FAM53B: variants seen among roughly 807,000 people sequenced by gnomAD.
FAM53B encodes the protein protein FAM53B.
In FAM53B, 12 loss-of-function variants were observed where a neutral mutation model predicts 32.7. That is an observed-to-expected ratio of 0.37 (90% confidence interval 0.24 to 0.59). The LOEUF (loss-of-function observed/expected upper bound fraction) is 0.59. FAM53B is among the 20% of genes least tolerant of loss of function. The probability of loss-of-function intolerance (pLI) is 0.72; values close to 1 mark genes in which losing one functional copy is unlikely to be tolerated. For missense variants in FAM53B, 477 were observed against 577.7 expected (o/e 0.83, Z 1.79); for synonymous variants, 234 against 228.7 (o/e 1.02, Z -0.21).
chr10:124,623,696 C>G, intron 4 of FAM53B, 92 bp from the exon 5 acceptor site: 4 of 1,425,224 alleles, frequency 2.8e-6, no homozygotes, highest in Non-Finnish European at 3.7e-6. Flanking sequence ...GACCACCAGG[C>G]TGTGGCAAGA....
rs1487666753 is a variant in FAM53B, at chr10:124,651,229, G to T, written c.907-27625C>A. 6.6e-6 allele frequency among the ~76,000 whole-genome samples: 1 copy of T among 152,248 alleles called. No homozygotes were observed. The highest frequency in any genetic ancestry group is 1.5e-5 in the Non-Finnish European group (1 of 68,044). The stretch of plus-strand genomic sequence containing the variant: ...CCACCACCTTGCCCTCAGACGCTCT[G>T]TTGTGGCCTTGCTGCTAGCCTTTTC... On this transcript the variant is annotated intron_variant, in intron 4 of 4. Transcript: ENST00000337318. The surrounding 1 kb of genome is among the most constrained non-coding windows in gnomAD (Gnocchi z 5.2).
At chr10:124,640,868 G>T (rs546601014) in intron 4 of FAM53B, among the ~76,000 whole-genome samples, 1 of 152,226 alleles carries the variant, frequency 6.6e-6, no homozygotes, top group African/African-American at 2.4e-5. Flanking sequence ...CGCTGCGGCA[G>T]AGCAGAGTGA....
At chr10:124,689,115 T>C (rs1047105197) in intron 3 of FAM53B, among the ~76,000 whole-genome samples, 1 of 152,172 alleles carries the variant, frequency 6.6e-6, no homozygotes, top group Non-Finnish European at 1.5e-5. Flanking sequence ...CCCTGCCCTG[T>C]AGGTTGGGTT....
At position 124,623,279 on chromosome 10, in the gene FAM53B, T is replaced by A. The variant is rs769051630; in HGVS notation, c.1232A>T (p.Asp411Val). ...TATCTGCTCAATGTCCAACTCGCCG[T>A]CCAGGGAGCAGAGGCTGTTCCCAGG... The part of the protein sequence containing the change: ...GAPGNSLCSL[D>V]GELDIEQIEK... Residue 411 changes from aspartate to valine, a missense_variant, in exon 5 of 5, where the codon GAC (aspartate) becomes GTC (valine). This residue lies in a region of FAM53B where 165 missense variants were observed against 157.5 expected (regional missense o/e 1.05). Coordinates refer to ENST00000337318, the MANE Select transcript of FAM53B (RefSeq NM_014661.4). The A allele has an allele frequency of 6.8e-6, 11 of 1,611,020 alleles. No homozygotes were observed. The highest frequency in any genetic ancestry group is 9.3e-6 in the Non-Finnish European group (11 of 1,179,026).
intron 1 of FAM53B, among the ~76,000 whole-genome samples, chr10:124,717,021 C>T (rs1051500711): frequency 2.6e-5 from 4 of 152,010 alleles, no homozygotes; most frequent in African/African-American, 9.7e-5. Flanking sequence ...GACTAAAAAC[C>T]AACAGAAGAG....
At chr10:124,644,281 C>T (rs1311135435) in intron 4 of FAM53B, among the ~76,000 whole-genome samples, 1 of 152,228 alleles carries the variant, frequency 6.6e-6, no homozygotes, top group African/African-American at 2.4e-5. Context: ...TCATGGCACA[C>T]AGCCCTTACC....
chr10:124,650,332 T>A (rs1232796117), intron 4 of FAM53B, among the ~76,000 whole-genome samples: 1 of 152,176 alleles, frequency 6.6e-6, no homozygotes, highest in Non-Finnish European at 1.5e-5. Flanking sequence ...GAACCAGGCA[T>A]GAGCCTAGGT....
At chr10:124,636,669 G>A (rs1371899848) in intron 4 of FAM53B, among the ~76,000 whole-genome samples, 1 of 152,050 alleles carries the variant, frequency 6.6e-6, no homozygotes, top group African/African-American at 2.4e-5. Context: ...GCCACTGGGG[G>A]CAGCTGCCAG....
intron 1 of FAM53B, among the ~76,000 whole-genome samples, chr10:124,731,974 TA>T (rs1187574913): frequency 6.6e-6 from 1 of 152,154 alleles, no homozygotes; most frequent in Admixed American, 6.5e-5. Context: ...GTCTTCTCCC[TA>T]TCTCCTCCTG....
At chr10:124,625,700 C>T (rs1218998721) in intron 4 of FAM53B, among the ~76,000 whole-genome samples, 1 of 152,236 alleles carries the variant, frequency 6.6e-6, no homozygotes, top group East Asian at 1.9e-4. Flanking sequence ...CCTCCTGCTT[C>T]TCAGCCACCC....
In FAM53B at chr10:124,673,548, C is replaced by T. The variant is rs72842380; in HGVS notation, c.906+8059G>A. Among the ~76,000 whole-genome samples, 427 of 152,338 alleles carry T rather than the reference C, an allele frequency of 2.8e-3. 3 individuals carry two copies. Among genetic ancestry groups the T allele is most frequent in the Non-Finnish European group, 5.4e-3 (367 of 68,022 alleles). ...TCATTGGCAGGCGGGGACACCATTG[C>T]TCTGCTGGGTACAGCAGCTCAGTGG... On this transcript the variant is annotated intron_variant, in intron 4 of 4. Transcript: ENST00000337318.
At chr10:124,683,910 C>T (rs778002009) in intron 3 of FAM53B, among the ~76,000 whole-genome samples, 2 of 152,256 alleles carry the variant, frequency 1.3e-5, no homozygotes, top group African/African-American at 2.4e-5. Flanking sequence ...CTGAGCGTCA[C>T]AAGCAGCAGC....
chr10:124,620,092 C>CA lies in FAM53B; in HGVS notation c.*3149dup, dbSNP rs1459879697. 1 of 152,538 alleles carries CA rather than the reference C, an allele frequency of 6.6e-6. No individual in the cohort carries two copies. The highest frequency in any genetic ancestry group is 2.4e-5 in the African/African-American group (1 of 41,458). The allele number at this position is 152,538 out of a possible 1,614,324, so 9.4% of individuals were successfully genotyped here. ...TTTATTTAAATTTTCTTTCAGTGTA[C>CA]AAATTCACAAAACTGGCTACAAAAA... On this transcript the variant is annotated 3_prime_UTR_variant, in exon 5 of 5. Transcript: ENST00000337318.
intron 4 of FAM53B, among the ~76,000 whole-genome samples, chr10:124,626,394 C>CA (rs1025745491): frequency 3.4e-5 from 5 of 146,080 alleles, no homozygotes; most frequent in South Asian, 2.3e-4. Flanking sequence ...TTGTGCCCCC[C>CA]CCCCCCCCAC....
chr10:124,693,461 T>C (rs1949848581), intron 3 of FAM53B, among the ~76,000 whole-genome samples: 2 of 145,438 alleles, frequency 1.4e-5, no homozygotes, highest in African/African-American at 5.1e-5. Flanking sequence ...AGTGAGACTC[T>C]GTCTCAAAAA....
At chr10:124,710,468 T>C (rs1194750586) in intron 1 of FAM53B, among the ~76,000 whole-genome samples, 1 of 152,232 alleles carries the variant, frequency 6.6e-6, no homozygotes, top group Non-Finnish European at 1.5e-5. Flanking sequence ...CTGGGATTCC[T>C]ATGACCCGTG....
At chr10:124,669,506 G>A (rs1949693890) in intron 4 of FAM53B, among the ~76,000 whole-genome samples, 1 of 152,218 alleles carries the variant, frequency 6.6e-6, no homozygotes, top group South Asian at 2.1e-4. Context: ...TCCATCAGGT[G>A]ATGGGCCCGG....
At chr10:124,668,136 G>A (rs1185234858) in intron 4 of FAM53B, among the ~76,000 whole-genome samples, 2 of 152,238 alleles carry the variant, frequency 1.3e-5, no homozygotes, top group Non-Finnish European at 2.9e-5. Context: ...CGTGAATCAA[G>A]CTGAAGATCT....
rs1258285224 is a variant in FAM53B, at chr10:124,744,259, G to T, written c.-421C>A. 1 of 147,362 alleles carries T rather than the reference G, an allele frequency of 6.8e-6. No homozygotes were observed. Among genetic ancestry groups the T allele is most frequent in the Non-Finnish European group, 1.5e-5 (1 of 66,090 alleles). 9.1% of individuals were successfully genotyped at this position (147,362 alleles called of 1,614,324 possible). A position where few individuals can be genotyped will look rare whatever the true frequency, so the allele number is the denominator to read the frequency against. ...GCCGCCGCCGCGGAGCCGCCAGACCGCGGCTGCGTGAACTCGGCCCGGCGC... is the reference window on the plus strand; with the variant it reads ...GCCGCCGCCGCGGAGCCGCCAGACCTCGGCTGCGTGAACTCGGCCCGGCGC... On this transcript the variant is annotated 5_prime_UTR_variant, in exon 1 of 5. Coordinates refer to ENST00000337318, the MANE Select transcript of FAM53B (RefSeq NM_014661.4).
Sources: gnomAD v4.1 joint callset for allele counts (sites outside exome capture counted in the v4.1 genomes callset) on GRCh38, gnomAD v4.1.1 for gene constraint, gnomAD v4.1.1 regional missense constraint, Gnocchi (gnomAD v3.1) non-coding constraint, MANE v1.5 for transcripts, NCBI Gene and HGNC (gene_info 2026-07-23, HGNC 2026-07-21) for gene names.